PAK5: variants seen among roughly 807,000 people sequenced by gnomAD.
PAK5 encodes the protein p21 (RAC1) activated kinase 5.
In PAK5, 16 loss-of-function variants were observed where a neutral mutation model predicts 65.9. The observed-to-expected ratio is 0.24, with a 90% CI of 0.16 to 0.37. PAK5 has a LOEUF of 0.37. PAK5 is among the 10% of genes least tolerant of loss of function. The probability of loss-of-function intolerance (pLI) is 1.00; values close to 1 mark genes in which losing one functional copy is unlikely to be tolerated. For synonymous variants in PAK5, 371 were observed against 354.9 expected, an observed-to-expected ratio of 1.05 and a Z score of -0.51; for missense variants, 785 against 903.9, an observed-to-expected ratio of 0.87 and a Z score of 1.69.
intron 3 of PAK5, among the ~76,000 whole-genome samples, chr20:9,610,038 A>T (rs1287491251): frequency 2.0e-5 from 3 of 151,816 alleles, no homozygotes; most frequent in African/African-American, 7.3e-5. Flanking sequence ...TTCTAAGAAC[A>T]ACACACAAAG....
chr20:9,644,207 C>G lies in PAK5; in HGVS notation c.122G>C (p.Ser41Thr), dbSNP rs757816375. The change falls in exon 3 of 10, where the codon AGC becomes ACC. Residue 41 changes from serine to threonine, a missense_variant. Transcript: ENST00000353224. ...CCTGTTGGCCGTATCTGCTAACAGG[C>G]TGTGCCACTGCTGGGGAAGGCCGGT... ...KFTGLPQQWH[S>T]LLADTANRPK... 1.4e-5 allele frequency: 22 copies of G among 1,610,038 alleles called. No homozygotes were observed. The highest frequency in any genetic ancestry group is 1.9e-5 in the Non-Finnish European group (22 of 1,178,608).
chr20:9,737,024 A>G (rs968398318), intron 1 of PAK5, among the ~76,000 whole-genome samples: 6 of 152,150 alleles, frequency 3.9e-5, no homozygotes, highest in Non-Finnish European at 8.8e-5. Flanking sequence ...AAAAAAACCC[A>G]TCAATCTAGA....
chr20:9,743,257 C>T (rs757530577), intron 1 of PAK5, among the ~76,000 whole-genome samples: 26 of 152,042 alleles, frequency 1.7e-4, no homozygotes, highest in Admixed American at 5.9e-4. Context: ...GTAGCCCAAG[C>T]TACCTGGGAA....
intron 6 of PAK5, among the ~76,000 whole-genome samples, chr20:9,559,601 A>T (rs971141027): frequency 6.6e-6 from 1 of 152,158 alleles, no homozygotes; most frequent in African/African-American, 2.4e-5. Flanking sequence ...GTCTCTACTA[A>T]ATATACAAAA....
At chr20:9,674,591 CA>C (rs774227795) in intron 2 of PAK5, among the ~76,000 whole-genome samples, 205 of 152,246 alleles carry the variant, frequency 1.3e-3, no homozygotes, top group Non-Finnish European at 2.5e-3. Flanking sequence ...GTTTGGCAGA[CA>C]AAGGAAGGCA....
intron 1 of PAK5, among the ~76,000 whole-genome samples, chr20:9,744,131 T>C (rs1284712630): frequency 2.0e-5 from 3 of 152,174 alleles, no homozygotes; most frequent in Non-Finnish European, 4.4e-5. Context: ...CTGGAGGAAG[T>C]GGGTCCCTGT....
intron 3 of PAK5, among the ~76,000 whole-genome samples, chr20:9,606,702 G>A (rs1387735651): frequency 1.3e-5 from 2 of 152,204 alleles, no homozygotes; most frequent in Non-Finnish European, 2.9e-5. Context: ...GCAGACACAA[G>A]GTGAGAATCT....
intron 1 of PAK5, among the ~76,000 whole-genome samples, chr20:9,748,271 T>G (rs1349153221): frequency 2.0e-5 from 3 of 152,090 alleles, no homozygotes; most frequent in Admixed American, 6.5e-5. Context: ...CCAAGGTAAT[T>G]TATAGATTCA....
intron 3 of PAK5, among the ~76,000 whole-genome samples, chr20:9,617,050 G>C (rs2046669809): frequency 6.6e-6 from 1 of 152,206 alleles, no homozygotes; most frequent in Admixed American, 6.5e-5. Flanking sequence ...AAAATGCCAA[G>C]TCATAAATCA....
chr20:9,785,707 C>A (rs945337736), intron 1 of PAK5, among the ~76,000 whole-genome samples: 6 of 152,224 alleles, frequency 3.9e-5, no homozygotes, highest in African/African-American at 1.4e-4. Context: ...TTTGTGAAGA[C>A]CTTCTGCTAG....
At chr20:9,723,574 T>C (rs1015673352) in intron 1 of PAK5, among the ~76,000 whole-genome samples, 3 of 152,202 alleles carry the variant, frequency 2.0e-5, no homozygotes, top group Non-Finnish European at 4.4e-5. Flanking sequence ...TGTGATTTGA[T>C]TTGCTCCATG....
At chr20:9,686,420 G>C (rs1335330935) in intron 2 of PAK5, among the ~76,000 whole-genome samples, 2 of 152,034 alleles carry the variant, frequency 1.3e-5, no homozygotes, top group Non-Finnish European at 2.9e-5. Flanking sequence ...TTTGAGACAG[G>C]CTCTTGCTCT....
At chr20:9,587,415 C>T (rs1392870780) in intron 3 of PAK5, among the ~76,000 whole-genome samples, 2 of 152,156 alleles carry the variant, frequency 1.3e-5, no homozygotes, top group Admixed American at 1.3e-4. Context: ...AATTAACAAT[C>T]AGCATTCTAT....
At chr20:9,649,843 C>A (rs540833236) in intron 2 of PAK5, among the ~76,000 whole-genome samples, 1 of 152,082 alleles carries the variant, frequency 6.6e-6, no homozygotes, top group East Asian at 1.9e-4. Context: ...ATATTCTGTT[C>A]ACAGTAATTC....
intron 5 of PAK5, among the ~76,000 whole-genome samples, 174 bp downstream of exon 5, chr20:9,565,719 C>G (rs1041931841): frequency 5.9e-5 from 9 of 152,158 alleles, no homozygotes; most frequent in Non-Finnish European, 2.9e-5. Flanking sequence ...ATAGATGTAA[C>G]AGCCATATAT....
chr20:9,545,583 T>C (rs1871829753), intron 7 of PAK5, among the ~76,000 whole-genome samples: 1 of 152,210 alleles, frequency 6.6e-6, no homozygotes, highest in African/African-American at 2.4e-5. Context: ...AACCTTTTTT[T>C]TCTGGCTCTA....
chr20:9,811,349 C>T (rs1407428509), intron 1 of PAK5, among the ~76,000 whole-genome samples: 1 of 152,190 alleles, frequency 6.6e-6, no homozygotes, highest in East Asian at 1.9e-4. Context: ...GTCTCTCTCT[C>T]TCCCCCACCC....
intron 2 of PAK5, among the ~76,000 whole-genome samples, chr20:9,659,722 A>T (rs903750207): frequency 6.6e-6 from 1 of 152,170 alleles, no homozygotes; most frequent in Non-Finnish European, 1.5e-5. Flanking sequence ...TTAGATAAAA[A>T]ATCATAGTTC....
At chr20:9,606,352 T>C (rs6086955) in intron 3 of PAK5, among the ~76,000 whole-genome samples, 45,387 of 152,128 alleles carry the variant, frequency 0.3, 7,414 homozygotes, top group African/African-American at 0.41. Context: ...TCATGCTTCC[T>C]GTGCAGCCTG....
Sources: allele counts gnomAD v4.1 joint callset (sites outside exome capture counted in the v4.1 genomes callset), GRCh38; gene constraint gnomAD v4.1.1; transcripts MANE v1.5; gene names NCBI Gene and HGNC (gene_info 2026-07-23, HGNC 2026-07-21).